The following PCA3 variants were observed in gnomAD, a reference collection of about 807,000 sequenced individuals.
PCA3 encodes prostate cancer associated 3, also known as Differential Display code 3.
chr9:76,772,818 C>T (rs1445616206), intron 2 of PCA3, among the ~76,000 whole-genome samples: 2 of 152,158 alleles, frequency 1.3e-5, no homozygotes, highest in Non-Finnish European at 2.9e-5. Flanking sequence ...CCCATCTTGG[C>T]CTCCCACAGT....
chr9:76,776,645 G>C (rs1211869855), intron 2 of PCA3, among the ~76,000 whole-genome samples: 1 of 149,392 alleles, frequency 6.7e-6, no homozygotes, highest in Non-Finnish European at 1.5e-5. Flanking sequence ...CTCCTAAGTA[G>C]CTAGGATTAC....
intron 2 of PCA3, chr9:76,784,589 T>C (rs2054777369): frequency 6.6e-6 from 1 of 152,256 alleles, no homozygotes; most frequent in Non-Finnish European, 1.5e-5. Flanking sequence ...ATTTTTAATA[T>C]TTAGTTCCCA....
intron 2 of PCA3, among the ~76,000 whole-genome samples, chr9:76,782,100 G>A (rs1215354029): frequency 6.6e-6 from 1 of 152,190 alleles, no homozygotes; most frequent in East Asian, 1.9e-4. Flanking sequence ...TGTAGTCCCA[G>A]CTACTGGGGA....
At chr9:76,776,937 C>G (rs76434368) in intron 2 of PCA3, among the ~76,000 whole-genome samples, 25,844 of 128,524 alleles carry the variant, frequency 0.2, 2,586 homozygotes, top group African/African-American at 0.26. Context: ...CACACACACA[C>G]ACACACACAA....
At chr9:76,778,236 G>A (rs760541775) in intron 2 of PCA3, among the ~76,000 whole-genome samples, 1 of 152,180 alleles carries the variant, frequency 6.6e-6, no homozygotes, top group Non-Finnish European at 1.5e-5. Flanking sequence ...AGAGCCAGGC[G>A]TTGATCTCAT....
chr9:76,783,424 A>G (rs981906415), intron 2 of PCA3, among the ~76,000 whole-genome samples: 1 of 152,194 alleles, frequency 6.6e-6, no homozygotes, highest in Non-Finnish European at 1.5e-5. Context: ...GGTGTGAGCC[A>G]CTGCTCCCCA....
At chr9:76,765,739 C>T (rs2052290928) in intron 2 of PCA3, among the ~76,000 whole-genome samples, 1 of 152,184 alleles carries the variant, frequency 6.6e-6, no homozygotes, top group Non-Finnish European at 1.5e-5. Flanking sequence ...CAGAATCATA[C>T]ATCCACAGTC....
intron 2 of PCA3, chr9:76,787,267 T>C (rs2055081480): frequency 7.4e-6 from 1 of 135,172 alleles, no homozygotes; most frequent in East Asian, 1.9e-4. Context: ...TTATTCTCTT[T>C]ATTATTATTA....
intron 2 of PCA3, among the ~76,000 whole-genome samples, chr9:76,781,908 GA>G (rs1222351907): frequency 6.6e-6 from 1 of 152,128 alleles, no homozygotes; most frequent in African/African-American, 2.4e-5. Context: ...GGTAATCAGA[GA>G]CATAGAAAGC....
chr9:76,774,238 C>T (rs1258766487), intron 2 of PCA3, among the ~76,000 whole-genome samples: 5 of 151,960 alleles, frequency 3.3e-5, no homozygotes, highest in African/African-American at 7.3e-5. Flanking sequence ...TAGGCTCAAG[C>T]GATCCTCCCA....
intron 2 of PCA3, among the ~76,000 whole-genome samples, chr9:76,766,436 T>C (rs1381430027): frequency 6.6e-6 from 1 of 152,256 alleles, no homozygotes; most frequent in African/African-American, 2.4e-5. Context: ...TCTTTAACGA[T>C]GCTTAACTCT....
At chr9:76,785,007 CT>C (rs1222814073) in intron 2 of PCA3, 1 of 151,950 alleles carries the variant, frequency 6.6e-6, no homozygotes, top group African/African-American at 2.4e-5. Flanking sequence ...TGACTAAGTC[CT>C]TTATCCCTCC....
intron 2 of PCA3, chr9:76,782,937 G>T (rs1456510035): frequency 2.0e-5 from 3 of 152,196 alleles, no homozygotes; most frequent in African/African-American, 7.2e-5. Context: ...AATGTCCTGG[G>T]TCTTAGATTG....
At chr9:76,769,312 C>G (rs2052814145) in intron 2 of PCA3, among the ~76,000 whole-genome samples, 1 of 152,206 alleles carries the variant, frequency 6.6e-6, no homozygotes, top group South Asian at 2.1e-4. Context: ...TCAATACATA[C>G]AGAATAACTG....
At chr9:76,780,281 A>G (rs1333883092) in intron 2 of PCA3, among the ~76,000 whole-genome samples, 2 of 152,198 alleles carry the variant, frequency 1.3e-5, no homozygotes, top group Non-Finnish European at 2.9e-5. Context: ...CCAACAATTG[A>G]GAATTGAACA....
At chr9:76,776,941 C>CACACAG (rs1564280230) in intron 2 of PCA3, among the ~76,000 whole-genome samples, 2 of 144,900 alleles carry the variant, frequency 1.4e-5, no homozygotes, top group African/African-American at 5.2e-5. Context: ...CACACACACA[C>CACACAG]ACACAAAGGG....
intron 2 of PCA3, among the ~76,000 whole-genome samples, chr9:76,768,186 T>G (rs572920563): frequency 6.7e-6 from 1 of 149,980 alleles, no homozygotes; most frequent in African/African-American, 2.5e-5. Flanking sequence ...AGTACTTCCA[T>G]GTCAATGATT....
chr9:76,771,532 C>T (rs111662978), intron 2 of PCA3, among the ~76,000 whole-genome samples: 97 of 152,180 alleles, frequency 6.4e-4, no homozygotes, highest in African/African-American at 2.3e-3. Flanking sequence ...TACGGTGAGT[C>T]GGGGGTCAGG....
intron 2 of PCA3, chr9:76,786,557 A>G (rs1010873165): frequency 6.6e-6 from 1 of 152,182 alleles, no homozygotes; most frequent in Non-Finnish European, 1.5e-5. Flanking sequence ...CTTTGCTTCC[A>G]CGACTTTTAT....
Sources: allele counts gnomAD v4.1 joint callset (sites outside exome capture counted in the v4.1 genomes callset), GRCh38; gene constraint gnomAD v4.1.1; transcripts MANE v1.5; gene names NCBI Gene and HGNC (gene_info 2026-07-23, HGNC 2026-07-21).